The following HNF4G variants were observed in gnomAD, a reference collection of about 807,000 sequenced individuals.
HNF4G encodes hepatocyte nuclear factor 4-gamma.
A neutral mutation model predicts 50.9 loss-of-function variants in HNF4G; 21 were observed. That is an observed-to-expected ratio of 0.41 (90% CI 0.29 to 0.59). The LOEUF (loss-of-function observed/expected upper bound fraction) is 0.59. HNF4G is among the 20% of genes least tolerant of loss of function. The probability of loss-of-function intolerance (pLI) is 0.26; values close to 1 mark genes in which losing one functional copy is unlikely to be tolerated. For missense variants in HNF4G, 527 were observed against 559.4 expected, an observed-to-expected ratio of 0.94 and a Z score of 0.58; for synonymous variants, 198 against 185.6, an observed-to-expected ratio of 1.07 and a Z score of -0.54.
At chr8:75,493,001 T>A (rs1812670740) in intron 2 of HNF4G, among the ~76,000 whole-genome samples, 1 of 151,716 alleles carries the variant, frequency 6.6e-6, no homozygotes. Context: ...GGGAACAGAG[T>A]TGGAATATGA....
intron 1 of HNF4G, among the ~76,000 whole-genome samples, chr8:75,470,132 T>G (rs916336359): frequency 4.6e-5 from 7 of 152,338 alleles, no homozygotes; most frequent in South Asian, 2.1e-4. Context: ...CAAAGTAGGG[T>G]GTAATCTTTG....
Position 75,526,933 on chromosome 8 carries a change from A to AT in HNF4G, c.-23-16868dup, listed in dbSNP as rs1039266536. 1.5e-3 allele frequency: 224 copies of AT among 149,082 alleles called. 1 individual carries two copies. The highest frequency in any genetic ancestry group is 4.7e-3 in the African/African-American group (189 of 40,564). The allele number at this position is 149,082 out of a possible 1,614,324, so 9.2% of individuals were successfully genotyped here. On this transcript the variant is annotated intron_variant, in intron 2 of 10. Coordinates refer to the HNF4G transcript ENST00000354370. The stretch of plus-strand genomic sequence containing the variant: ...AGACGCCCGCCACCACGCCTGGATA[A>AT]TTTTTTTTTTCTTTTTGTATTTTTA...
At chr8:75,415,332 A>G (rs1810607096) in intron 1 of HNF4G, among the ~76,000 whole-genome samples, 1 of 152,094 alleles carries the variant, frequency 6.6e-6, no homozygotes, top group Non-Finnish European at 1.5e-5. Flanking sequence ...ATTTATTCTT[A>G]TACAAGGGAT....
intron 1 of HNF4G, among the ~76,000 whole-genome samples, chr8:75,459,705 C>T (rs1468520320): frequency 6.6e-6 from 1 of 152,108 alleles, no homozygotes; most frequent in Non-Finnish European, 1.5e-5. Context: ...TGCATTTAGT[C>T]ATGTACACAT....
chr8:75,522,587 G>T (rs937379831), intron 2 of HNF4G, among the ~76,000 whole-genome samples: 1 of 152,090 alleles, frequency 6.6e-6, no homozygotes, highest in South Asian at 2.1e-4. Context: ...GTTGTGGACA[G>T]CTCCTCCATC....
At chr8:75,522,215 A>G (rs558055605) in intron 2 of HNF4G, among the ~76,000 whole-genome samples, 2 of 152,318 alleles carry the variant, frequency 1.3e-5, no homozygotes. Context: ...AATTAAACAA[A>G]CTTTTTTTAT....
At chr8:75,453,517 G>T (rs78276437) in intron 1 of HNF4G, among the ~76,000 whole-genome samples, 1 of 103,382 alleles carries the variant, frequency 9.7e-6, no homozygotes, top group South Asian at 3.0e-4. Flanking sequence ...CCCCCGCCCC[G>T]TAGCCAGCAG....
At chr8:75,468,350 T>G (rs1455390610) in intron 1 of HNF4G, among the ~76,000 whole-genome samples, 1 of 152,174 alleles carries the variant, frequency 6.6e-6, no homozygotes, top group Non-Finnish European at 1.5e-5. Flanking sequence ...GAACCATGCT[T>G]AGTCTGCATC....
intron 2 of HNF4G, among the ~76,000 whole-genome samples, chr8:75,522,099 G>A (rs950528882): frequency 6.6e-6 from 1 of 152,186 alleles, no homozygotes; most frequent in Non-Finnish European, 1.5e-5. Context: ...TAGCTTTGGA[G>A]GCTATAAAGC....
At chr8:75,531,107 T>C (rs1473845302) in intron 2 of HNF4G, among the ~76,000 whole-genome samples, 1 of 152,184 alleles carries the variant, frequency 6.6e-6, no homozygotes, top group Non-Finnish European at 1.5e-5. Flanking sequence ...ATGTGCTTTT[T>C]GTTTTTAACT....
chr8:75,501,754 G>A (rs1485522198), intron 2 of HNF4G, among the ~76,000 whole-genome samples: 1 of 151,964 alleles, frequency 6.6e-6, no homozygotes, highest in Non-Finnish European at 1.5e-5. Flanking sequence ...CAACATTGGT[G>A]TTTTGAAATA....
Position 75,479,585 on chromosome 8 carries a change from T to G in HNF4G, c.-143-10504T>G, listed in dbSNP as rs895166332. Among the ~76,000 whole-genome samples, 563 of 152,090 alleles carry G rather than the reference T, an allele frequency of 3.7e-3. 4 individuals are homozygous for G. Among genetic ancestry groups the G allele is most frequent in the African/African-American group, 0.013 (520 of 41,500 alleles). ...TCTATCACTTCATTTGCATTTTTTT[T>G]TTTTTTTGGTGTATGTGTCTCTTAT... On this transcript the variant is annotated intron_variant, in intron 1 of 10. Transcript: ENST00000354370.
chr8:75,425,503 T>C (rs1178632873), intron 1 of HNF4G, among the ~76,000 whole-genome samples: 9 of 150,670 alleles, frequency 6.0e-5, no homozygotes, highest in Admixed American at 6.6e-5. Context: ...TTTTAAATGA[T>C]TTTTTTAAGT....
intron 1 of HNF4G, among the ~76,000 whole-genome samples, chr8:75,461,423 C>G (rs1161664196): frequency 6.6e-6 from 1 of 152,122 alleles, no homozygotes; most frequent in African/African-American, 2.4e-5. Flanking sequence ...TTCTTCCTCT[C>G]TTTTTCATCC....
At chr8:75,413,036 G>A (rs932758373) in intron 1 of HNF4G, among the ~76,000 whole-genome samples, 8 of 151,924 alleles carry the variant, frequency 5.3e-5, no homozygotes, top group African/African-American at 1.9e-4. Context: ...GCTGAGTAGA[G>A]AAGAATTAGA....
At chr8:75,459,388 C>T (rs532976835) in intron 1 of HNF4G, among the ~76,000 whole-genome samples, 34 of 152,216 alleles carry the variant, frequency 2.2e-4, no homozygotes, top group African/African-American at 8.2e-4. Flanking sequence ...AAATTCTTCT[C>T]ATTATGTAGC....
At chr8:75,532,095 C>T (rs1445657393) in intron 2 of HNF4G, among the ~76,000 whole-genome samples, 1 of 151,988 alleles carries the variant, frequency 6.6e-6, no homozygotes, top group African/African-American at 2.4e-5. Flanking sequence ...GTCATAACAT[C>T]TAAAAACCCC....
rs770191630 is a variant in HNF4G, at chr8:75,556,011, G to A, written c.675G>A (p.Glu225=). The A allele has an allele frequency of 4.4e-6, 7 of 1,583,146 alleles. No homozygotes were observed. Among genetic ancestry groups the A allele is most frequent in the South Asian group, 3.5e-5 (3 of 85,794 alleles). Residue 225 remains glutamate, a synonymous_variant, in exon 6 of 10, where the codon GAG becomes GAA. Coordinates refer to ENST00000396423, the MANE Select transcript of HNF4G (RefSeq NM_004133.5). ...CACTGTTGAGAGCTCACGCAGGGGA[G>A]CACTTACTGCTTGGAGCTACAAAGA... ...QVALLRAHAG[E]HLLLGATKRS...
intron 2 of HNF4G, among the ~76,000 whole-genome samples, chr8:75,521,267 C>G (rs917633509): frequency 6.6e-6 from 1 of 152,046 alleles, no homozygotes; most frequent in Non-Finnish European, 1.5e-5. Flanking sequence ...AGTCATCGAG[C>G]CCAAGCTAAA....
Sources: allele counts gnomAD v4.1 joint callset (sites outside exome capture counted in the v4.1 genomes callset), GRCh38; gene constraint gnomAD v4.1.1; transcripts MANE v1.5; gene names NCBI Gene and HGNC (gene_info 2026-07-23, HGNC 2026-07-21).